RAB31: variants seen among roughly 807,000 people sequenced by gnomAD.
The protein encoded by RAB31 is RAB31, member RAS oncogene family, also known as ras-related protein Rab-31.
In RAB31, 21 loss-of-function variants were observed where a neutral mutation model predicts 25.6. The observed-to-expected ratio is 0.82, with a 90% confidence interval of 0.58 to 1.18. The LOEUF is 1.18. Among genes scored for constraint, RAB31 ranks in the 50% most tolerant of loss-of-function variants. The pLI is 0.00. For synonymous variants in RAB31, 87 were observed against 84.0 expected (o/e 1.04, Z -0.20); for missense variants, 196 against 250.1 (o/e 0.78, Z 1.46).
rs1211854554 is a variant in RAB31 at position 9,708,966 on chromosome 18, C to T, written c.39+522C>T. On this transcript the variant is annotated intron_variant, in intron 1 of 6. Coordinates refer to ENST00000578921, the MANE Select transcript of RAB31 (RefSeq NM_006868.4). This position sits in a 1 kb window ranked among gnomAD's most constrained non-coding sequence, Gnocchi z 6.4. ...CTCCTGGGGGCAATTGATTTACTCA[C>T]GTAAAACAGAAAAATAAAACCAAAA... Among the ~76,000 whole-genome samples, 1 of 152,202 alleles carries T rather than the reference C, an allele frequency of 6.6e-6. No individual in the cohort carries two copies. Among genetic ancestry groups the T allele is most frequent in the Non-Finnish European group, 1.5e-5 (1 of 68,040 alleles).
At chr18:9,717,539 T>G (rs564133374) in intron 1 of RAB31, among the ~76,000 whole-genome samples, 46 of 152,288 alleles carry the variant, frequency 3.0e-4, no homozygotes, top group African/African-American at 1.1e-3. Flanking sequence ...GTATTTTTTT[T>G]TGAAGAAAAG....
At chr18:9,834,389 T>C (rs2068694054) in intron 5 of RAB31, among the ~76,000 whole-genome samples, 1 of 152,202 alleles carries the variant, frequency 6.6e-6, no homozygotes, top group Admixed American at 6.5e-5. Context: ...GTGCTGGGAT[T>C]ACAGGCTTGA....
At chr18:9,793,964 T>C (rs1157019988) in intron 3 of RAB31, among the ~76,000 whole-genome samples, 1 of 152,216 alleles carries the variant, frequency 6.6e-6, no homozygotes, top group Non-Finnish European at 1.5e-5. Flanking sequence ...AGGGTCTTGC[T>C]CTGTCACCCA....
intron 2 of RAB31, among the ~76,000 whole-genome samples, chr18:9,782,736 A>G (rs1243433897): frequency 6.6e-6 from 1 of 152,078 alleles, no homozygotes; most frequent in African/African-American, 2.4e-5. Flanking sequence ...TTGCTCTGTC[A>G]CCCAGGCTGG....
In RAB31 at chr18:9,741,876, C is replaced by T. The variant is rs1375152155; in HGVS notation, c.40-33402C>T. On this transcript the variant is annotated intron_variant, in intron 1 of 6. Transcript: ENST00000578921. Reference sequence around the variant, plus strand: ...AGCGGGACATACCCCTCATCCACTGCCTCATCCAGGTTTCCTGGTGTGGCA... The same window carrying T: ...AGCGGGACATACCCCTCATCCACTGTCTCATCCAGGTTTCCTGGTGTGGCA... Among the ~76,000 whole-genome samples, 4 of 152,372 alleles carry T rather than the reference C, an allele frequency of 2.6e-5. No individual in the cohort carries two copies. In the East Asian group the frequency reaches 7.7e-4, roughly 29 times the overall value.
chr18:9,861,558 C>T lies in RAB31; in HGVS notation c.*2233C>T, dbSNP rs1323412717. 1 of 152,136 alleles carries T rather than the reference C, an allele frequency of 6.6e-6. No individual in the cohort carries two copies. Among genetic ancestry groups the T allele is most frequent in the Non-Finnish European group, 1.5e-5 (1 of 68,026 alleles). The allele number at this position is 152,136 out of a possible 1,614,324, so 9.4% of individuals were successfully genotyped here. Reference sequence around the variant, plus strand: ...TGTATCTTCTCTGTGGATGCTCAGGCCTTGTCTACAATGAGGCTTTACAAC... The same window carrying T: ...TGTATCTTCTCTGTGGATGCTCAGGTCTTGTCTACAATGAGGCTTTACAAC... On this transcript the variant is annotated 3_prime_UTR_variant, in exon 7 of 7. Coordinates refer to ENST00000578921, the MANE Select transcript of RAB31 (RefSeq NM_006868.4).
At chr18:9,825,360 GC>G (rs1251029735) in intron 5 of RAB31, among the ~76,000 whole-genome samples, 2 of 152,198 alleles carry the variant, frequency 1.3e-5, no homozygotes, top group Non-Finnish European at 1.5e-5. Flanking sequence ...AGTCTGGAGA[GC>G]CCTACAGGAC....
intron 5 of RAB31, chr18:9,830,754 A>G (rs911726527): frequency 1.3e-4 from 20 of 152,180 alleles, no homozygotes; most frequent in African/African-American, 4.8e-4. Context: ...AAATATTTCC[A>G]TACCTCCAAG....
intron 6 of RAB31, among the ~76,000 whole-genome samples, chr18:9,849,119 C>T (rs2068775901): frequency 6.6e-6 from 1 of 152,124 alleles, no homozygotes; most frequent in East Asian, 1.9e-4. Flanking sequence ...CATTTCTACC[C>T]AGGGTTTGTT....
chr18:9,758,165 C>T (rs117441120), intron 1 of RAB31: 1,804 of 152,376 alleles, frequency 0.012, 15 homozygotes, highest in Non-Finnish European at 0.017. Flanking sequence ...AAATGTTGCT[C>T]TCTGAGAAAC....
intron 1 of RAB31, among the ~76,000 whole-genome samples, chr18:9,763,532 G>A (rs1161050564): frequency 6.6e-6 from 1 of 150,948 alleles, no homozygotes; most frequent in East Asian, 1.9e-4. Context: ...TGATACATCT[G>A]TAGAAAGAAC....
At chr18:9,853,963 C>CTTTTTTTTTTTTTTTTTTTTTTCT (rs11376519) in intron 6 of RAB31, among the ~76,000 whole-genome samples, 1 of 130,850 alleles carries the variant, frequency 7.6e-6, no homozygotes, top group Non-Finnish European at 1.6e-5. Context: ...CTTTTCTTTT[C>CTTTTTTTTTTTTTTTTTTTTTTCT]TTTTTTTTTT....
At chr18:9,847,548 G>T (rs656510) in intron 6 of RAB31, among the ~76,000 whole-genome samples, 83,419 of 152,092 alleles carry the variant, frequency 0.55, 23,725 homozygotes, top group South Asian at 0.73. Flanking sequence ...AAGAGAAGAA[G>T]CCTGAGTAGG....
intron 5 of RAB31, among the ~76,000 whole-genome samples, chr18:9,831,419 C>T (rs1000916165): frequency 3.9e-5 from 6 of 152,176 alleles, no homozygotes; most frequent in Non-Finnish European, 8.8e-5. Flanking sequence ...TTTTTGGCTC[C>T]GGCCCTATAG....
chr18:9,858,921 G>C (rs974933067), intron 6 of RAB31, among the ~76,000 whole-genome samples: 1 of 152,172 alleles, frequency 6.6e-6, no homozygotes, highest in Non-Finnish European at 1.5e-5. Flanking sequence ...GCGGAGGCTG[G>C]ATGGGAGCTG....
intron 1 of RAB31, among the ~76,000 whole-genome samples, chr18:9,749,505 T>C (rs772524157): frequency 6.6e-5 from 10 of 152,182 alleles, no homozygotes; most frequent in Non-Finnish European, 1.3e-4. Context: ...TTATTGTAAT[T>C]TATAGTTTAC....
chr18:9,774,816 A>G (rs2068363600), intron 1 of RAB31: 2 of 513,432 alleles, frequency 3.9e-6, no homozygotes, highest in African/African-American at 3.9e-5. Flanking sequence ...AGAAAATGCT[A>G]GAAACATAGA....
chr18:9,772,069 C>T (rs537206437), intron 1 of RAB31, among the ~76,000 whole-genome samples: 15 of 152,360 alleles, frequency 9.8e-5, no homozygotes, highest in African/African-American at 3.1e-4. Flanking sequence ...CAAGTGACTT[C>T]TTCCCTTTTC....
At chr18:9,730,352 T>C (rs1245699314) in intron 1 of RAB31, among the ~76,000 whole-genome samples, 1 of 151,348 alleles carries the variant, frequency 6.6e-6, no homozygotes, top group African/African-American at 2.4e-5. Context: ...AGTGGCATGA[T>C]CTTGGCTCAC....
Sources: allele counts gnomAD v4.1 joint callset (sites outside exome capture counted in the v4.1 genomes callset), GRCh38; gene constraint gnomAD v4.1.1; non-coding constraint Gnocchi (gnomAD v3.1); transcripts MANE v1.5; gene names NCBI Gene and HGNC (gene_info 2026-07-23, HGNC 2026-07-21).